KCNIP1: variants seen among roughly 807,000 people sequenced by gnomAD.
KCNIP1 encodes the protein A-type potassium channel modulatory protein KCNIP1.
Under a neutral mutation model 33.0 loss-of-function variants are expected in KCNIP1, and 18 were observed. The ratio of observed to expected loss-of-function variants is 0.55; its 90% confidence interval spans 0.38 to 0.81. The LOEUF is 0.81. Ranked by LOEUF, KCNIP1 falls within the 30% of genes least tolerant of loss-of-function variation. KCNIP1 has a pLI of 0.00. For missense variants in KCNIP1, 238 were observed against 271.6 expected (o/e 0.88, Z 0.87); for synonymous variants, 93 against 98.3 (o/e 0.95, Z 0.32).
At chr5:170,527,890 G>A (rs1354402929) in intron 1 of KCNIP1, among the ~76,000 whole-genome samples, 1 of 151,872 alleles carries the variant, frequency 6.6e-6, no homozygotes, top group East Asian at 1.9e-4. Flanking sequence ...TTCATTTGGG[G>A]GGACGCACTT....
At chr5:170,621,982 C>G (rs969189130) in intron 1 of KCNIP1, among the ~76,000 whole-genome samples, 4 of 152,094 alleles carry the variant, frequency 2.6e-5, no homozygotes, top group African/African-American at 9.7e-5. Context: ...GTCCCAGTTC[C>G]CCTTGCAAGC....
chr5:170,569,746 AT>A (rs377061311), intron 1 of KCNIP1, among the ~76,000 whole-genome samples: 116 of 147,632 alleles, frequency 7.9e-4, no homozygotes, highest in Admixed American at 3.2e-3. Flanking sequence ...CCTGTCTCTA[AT>A]TTTTTTTTTT....
intron 1 of KCNIP1, among the ~76,000 whole-genome samples, chr5:170,522,236 T>C (rs917634209): frequency 2.0e-5 from 3 of 152,210 alleles, no homozygotes; most frequent in Admixed American, 2.0e-4. Flanking sequence ...GCCCTGATCA[T>C]GGACAAGGCC....
intron 1 of KCNIP1, chr5:170,385,206 C>A: frequency 8.1e-7 from 1 of 1,234,832 alleles, no homozygotes. Flanking sequence ...GACCCTGCTG[C>A]CTTGAATGAG....
intron 1 of KCNIP1, among the ~76,000 whole-genome samples, chr5:170,551,878 GTA>G (rs1756652545): frequency 6.6e-6 from 1 of 151,882 alleles, no homozygotes; most frequent in African/African-American, 2.4e-5. Context: ...GTGTGTGTGT[GTA>G]TATGAATGTG....
chr5:170,530,395 C>T (rs573997362), intron 1 of KCNIP1, among the ~76,000 whole-genome samples: 1 of 152,350 alleles, frequency 6.6e-6, no homozygotes, highest in East Asian at 1.9e-4. Flanking sequence ...TATTACTCTT[C>T]CCATTTTGTA....
intron 1 of KCNIP1, chr5:170,680,884 A>C (rs1365541666): frequency 2.5e-6 from 1 of 393,528 alleles, no homozygotes; most frequent in African/African-American, 2.1e-5. Context: ...ATTACCAGGT[A>C]GGAGGAGGAG....
In KCNIP1 at chr5:170,735,762, G is replaced by T. The variant is rs554633148; in HGVS notation, c.607G>T (p.Asp203Tyr). The T allele has an allele frequency of 6.2e-7, 1 of 1,613,812 alleles. No individual in the cohort carries two copies. Among genetic ancestry groups the T allele is most frequent in the Non-Finnish European group, 8.5e-7 (1 of 1,179,856 alleles). ...DEFLESCQED[D>Y]NIMRSLQLFQ... ...TCTTGCCCTCCTTTTTTCCCAGGAC[G>T]ACAACATCATGAGGTCTCTCCAGCT... The change falls in exon 8 of 8, where the codon GAC becomes TAC. Residue 203 changes from aspartate (D) to tyrosine (Y), a missense_variant. Transcript: ENST00000328939.
chr5:170,641,676 A>G (rs1760566946), intron 1 of KCNIP1, among the ~76,000 whole-genome samples: 1 of 152,188 alleles, frequency 6.6e-6, no homozygotes, highest in African/African-American at 2.4e-5. Context: ...GGCGGCTTCC[A>G]GGTACCATCT....
chr5:170,588,176 C>T (rs1758068905), intron 1 of KCNIP1, among the ~76,000 whole-genome samples: 1 of 152,192 alleles, frequency 6.6e-6, no homozygotes, highest in Non-Finnish European at 1.5e-5. Flanking sequence ...CAATCATAGA[C>T]TGAGTCCCCA....
At chr5:170,691,333 T>G (rs543816971) in intron 1 of KCNIP1, among the ~76,000 whole-genome samples, 1 of 152,290 alleles carries the variant, frequency 6.6e-6, no homozygotes, top group South Asian at 2.1e-4. Flanking sequence ...GCCTCTGGTA[T>G]CAAAAAGGTG....
intron 1 of KCNIP1, among the ~76,000 whole-genome samples, chr5:170,673,597 C>T (rs1446898119): frequency 2.6e-5 from 4 of 152,184 alleles, no homozygotes; most frequent in Non-Finnish European, 4.4e-5. Context: ...TAAGTGGGCT[C>T]TGATACTATC....
intron 1 of KCNIP1, among the ~76,000 whole-genome samples, chr5:170,543,610 G>A (rs1475686136): frequency 6.6e-6 from 1 of 152,142 alleles, no homozygotes; most frequent in African/African-American, 2.4e-5. Flanking sequence ...AATAAAGAGG[G>A]TCATTTGGGG....
At chr5:170,580,107 G>A (rs1757737852) in intron 1 of KCNIP1, among the ~76,000 whole-genome samples, 1 of 152,110 alleles carries the variant, frequency 6.6e-6, no homozygotes, top group Admixed American at 6.5e-5. Flanking sequence ...TCCCCTGGAC[G>A]CTGATTGCTT....
chr5:170,441,003 T>C (rs1755975173), intron 1 of KCNIP1, among the ~76,000 whole-genome samples: 1 of 152,166 alleles, frequency 6.6e-6, no homozygotes, highest in South Asian at 2.1e-4. Flanking sequence ...CTTGCTTCCT[T>C]CCCTCGGTCT....
intron 1 of KCNIP1, among the ~76,000 whole-genome samples, chr5:170,549,603 C>T (rs978470156): frequency 1.3e-5 from 2 of 152,188 alleles, no homozygotes; most frequent in African/African-American, 4.8e-5. Context: ...CTTGATTTAA[C>T]CCATTAACAG....
At chr5:170,371,636 A>G (rs1441857195) in intron 1 of KCNIP1, among the ~76,000 whole-genome samples, 1 of 152,096 alleles carries the variant, frequency 6.6e-6, no homozygotes, top group Non-Finnish European at 1.5e-5. Context: ...AATAACCTCA[A>G]AGGATGTTGT....
intron 1 of KCNIP1, among the ~76,000 whole-genome samples, chr5:170,426,401 C>G (rs1279884449): frequency 6.6e-6 from 1 of 152,194 alleles, no homozygotes; most frequent in Non-Finnish European, 1.5e-5. Context: ...AATTTGGAAG[C>G]CTGACCTTGT....
chr5:170,718,651 G>C (rs1273550449), intron 1 of KCNIP1, 107 bp from the exon 2 acceptor site: 2 of 1,356,372 alleles, frequency 1.5e-6, no homozygotes, highest in Non-Finnish European at 2.0e-6. Context: ...CCAGCCCACA[G>C]TCCTAGATCC....
Sources: allele counts gnomAD v4.1 joint callset (sites outside exome capture counted in the v4.1 genomes callset), GRCh38; gene constraint gnomAD v4.1.1; transcripts MANE v1.5; gene names NCBI Gene and HGNC (gene_info 2026-07-23, HGNC 2026-07-21).